Variants in CLEC16A observed in about 807,000 individuals in gnomAD.
CLEC16A encodes the protein C-type lectin domain containing 16A.
Under a neutral mutation model 109.5 loss-of-function variants are expected in CLEC16A, and 51 were observed. The ratio of observed to expected loss-of-function variants is 0.47; its 90% CI spans 0.37 to 0.59. CLEC16A has a LOEUF of 0.59. Among genes scored for constraint, CLEC16A ranks in the 20% least tolerant of loss-of-function variants. The pLI is 0.00. For missense variants in CLEC16A, 1,339 were observed against 1,394.0 expected, an observed-to-expected ratio of 0.96 and a Z score of 0.63; for synonymous variants, 673 against 564.2, an observed-to-expected ratio of 1.19 and a Z score of -2.73.
chr16:11,027,493 A>C (rs1371374373), intron 13 of CLEC16A: 1 of 1,585,456 alleles, frequency 6.3e-7, no homozygotes, highest in African/African-American at 1.3e-5. Context: ...AAACGTGGAC[A>C]AGCCAAGGTC....
chr16:11,039,633 A>C, intron 13 of CLEC16A, 121 bp from the exon 14 acceptor site: 1 of 1,170,756 alleles, frequency 8.5e-7, no homozygotes, highest in Non-Finnish European at 1.2e-6. Context: ...AAAGGAAAAG[A>C]AATCACCAAG....
chr16:10,948,697 C>T (rs2041561371), intron 1 of CLEC16A, among the ~76,000 whole-genome samples: 1 of 152,152 alleles, frequency 6.6e-6, no homozygotes, highest in Admixed American at 6.5e-5. Flanking sequence ...TGCCTTAAGC[C>T]TCAAATGGAT....
chr16:11,012,455 C>A (rs1052734835), intron 11 of CLEC16A, among the ~76,000 whole-genome samples: 1 of 151,734 alleles, frequency 6.6e-6, no homozygotes, highest in Non-Finnish European at 1.5e-5. Flanking sequence ...ATTAACCAGG[C>A]GGAATGGCAC....
At chr16:10,975,386 A>G (rs2042985309) in intron 7 of CLEC16A, among the ~76,000 whole-genome samples, 1 of 152,146 alleles carries the variant, frequency 6.6e-6, no homozygotes, top group African/African-American at 2.4e-5. Context: ...GCTCTTTTTC[A>G]TTATCAGCTT....
chr16:11,142,032 G>C (rs748046460), intron 22 of CLEC16A, among the ~76,000 whole-genome samples: 4 of 152,166 alleles, frequency 2.6e-5, no homozygotes, highest in Admixed American at 2.0e-4. Flanking sequence ...AGAGCATTCT[G>C]TGAGACTCAT....
chr16:11,097,167 G>T (rs954364076), intron 19 of CLEC16A, among the ~76,000 whole-genome samples: 2 of 152,168 alleles, frequency 1.3e-5, no homozygotes, highest in Non-Finnish European at 2.9e-5. Context: ...TCTAGAACAG[G>T]TTAAAGGACA....
chr16:11,088,302 G>A (rs1422352312), intron 19 of CLEC16A, among the ~76,000 whole-genome samples: 2 of 152,208 alleles, frequency 1.3e-5, no homozygotes, highest in Non-Finnish European at 2.9e-5. Flanking sequence ...AGCATCCACA[G>A]CTAGGACTCC....
At chr16:11,005,395 C>T (rs7192695) in intron 11 of CLEC16A, among the ~76,000 whole-genome samples, 30,731 of 152,072 alleles carry the variant, frequency 0.2, 4,072 homozygotes, top group African/African-American at 0.38. Flanking sequence ...TTAGCCAGAT[C>T]GTGCCACACA....
At chr16:10,948,336 T>C (rs1056449469) in intron 1 of CLEC16A, among the ~76,000 whole-genome samples, 2 of 152,254 alleles carry the variant, frequency 1.3e-5, no homozygotes, top group African/African-American at 2.4e-5. Flanking sequence ...GTTAGGGTTT[T>C]ACTTTTGCTA....
chr16:11,005,860 C>T (rs1368964938), intron 11 of CLEC16A, among the ~76,000 whole-genome samples: 2 of 152,190 alleles, frequency 1.3e-5, no homozygotes, highest in East Asian at 3.8e-4. Flanking sequence ...AGTCATGTCT[C>T]AGCATCTAGG....
chr16:10,948,315 G>A (rs1044925463), intron 1 of CLEC16A, among the ~76,000 whole-genome samples: 1 of 152,200 alleles, frequency 6.6e-6, no homozygotes, highest in African/African-American at 2.4e-5. Context: ...AAACTGGAAA[G>A]GAATTTTCCT....
chr16:11,130,984 G>A (rs2053168764), intron 22 of CLEC16A, among the ~76,000 whole-genome samples: 2 of 152,156 alleles, frequency 1.3e-5, no homozygotes, highest in Admixed American at 1.3e-4. Flanking sequence ...AGGGCTAATA[G>A]GTGACTAGCC....
chr16:11,120,771 G>A lies in CLEC16A; in HGVS notation c.2268+5G>A, dbSNP rs2052344585. 2.0e-6 allele frequency: 3 copies of A among 1,524,498 alleles called. No homozygotes were observed. Among genetic ancestry groups the A allele is most frequent in the Admixed American group, 2.0e-5 (1 of 49,132 alleles). 94.4% of individuals were successfully genotyped at this position (1,524,498 alleles called of 1,614,324 possible). Reference sequence around the variant, plus strand: ...AAGTTTGCAGGCCTATTGCAGGTAAGATGGCCAGGAGCTCTGGGATCTGTT... The same window carrying A: ...AAGTTTGCAGGCCTATTGCAGGTAAAATGGCCAGGAGCTCTGGGATCTGTT... On this transcript the variant is annotated splice_donor_5th_base_variant and intron_variant, in intron 20 of 23. Coordinates refer to ENST00000409790, the MANE Select transcript of CLEC16A (RefSeq NM_015226.3).
At position 11,120,596 on chromosome 16, in the gene CLEC16A, C is replaced by T. The variant is rs769573300; in HGVS notation, c.2117-19C>T. 1.9e-6 allele frequency: 3 copies of T among 1,599,452 alleles called. No homozygotes were observed. The highest frequency in any genetic ancestry group is 2.2e-5 in the East Asian group (1 of 44,606). On this transcript the variant is annotated intron_variant, in intron 19 of 23. Coordinates refer to ENST00000409790, the MANE Select transcript of CLEC16A (RefSeq NM_015226.3). The stretch of plus-strand genomic sequence containing the variant: ...CAGCCAGACTGTGCCTCATTCTCTT[C>T]TCACCTTCCTCCTCCCAGATAACAG...
rs1462251966 is a variant in CLEC16A at position 11,181,335 on chromosome 16, G to C, written c.*2645G>C. The C allele has an allele frequency of 6.6e-6, 1 of 152,350 alleles. No homozygotes were observed. Among genetic ancestry groups the C allele is most frequent in the East Asian group, 1.9e-4 (1 of 5,194 alleles). 9.4% of individuals were successfully genotyped at this position (152,350 alleles called of 1,614,324 possible). A position where few individuals can be genotyped will look rare whatever the true frequency, so the allele number is the denominator to read the frequency against. On this transcript the variant is annotated 3_prime_UTR_variant, in exon 24 of 24. Coordinates refer to ENST00000409790, the MANE Select transcript of CLEC16A (RefSeq NM_015226.3). ...GGAGTGTGGGAAGGCCCACAGTGGGGGCTGTGGCTTCTGACACTCAGGTCA... is the reference window on the plus strand; with the variant it reads ...GGAGTGTGGGAAGGCCCACAGTGGGCGCTGTGGCTTCTGACACTCAGGTCA...
At chr16:11,171,168 G>A (rs1250569496) in intron 23 of CLEC16A, among the ~76,000 whole-genome samples, 4 of 152,232 alleles carry the variant, frequency 2.6e-5, no homozygotes, top group African/African-American at 9.6e-5. Context: ...GCGGCCTATA[G>A]CCCAGCGGTA....
At chr16:11,161,422 C>T (rs961740362) in intron 22 of CLEC16A, among the ~76,000 whole-genome samples, 1 of 152,196 alleles carries the variant, frequency 6.6e-6, no homozygotes, top group African/African-American at 2.4e-5. Context: ...AACAGAACTC[C>T]AGACCGAGGG....
intron 11 of CLEC16A, among the ~76,000 whole-genome samples, chr16:11,017,860 G>A (rs568460874): frequency 6.6e-6 from 1 of 152,054 alleles, no homozygotes; most frequent in Non-Finnish European, 1.5e-5. Flanking sequence ...TCTGAGAAAC[G>A]TCACATCCAG....
chr16:11,089,938 T>A (rs2050212408), intron 19 of CLEC16A, among the ~76,000 whole-genome samples: 1 of 152,258 alleles, frequency 6.6e-6, no homozygotes, highest in Non-Finnish European at 1.5e-5. Context: ...CGGTTGGAAT[T>A]CCTGCCTCCT....
Sources: gnomAD v4.1 joint callset for allele counts (sites outside exome capture counted in the v4.1 genomes callset) on GRCh38, gnomAD v4.1.1 for gene constraint, MANE v1.5 for transcripts, NCBI Gene and HGNC (gene_info 2026-07-23, HGNC 2026-07-21) for gene names.